The following MYO16 variants were observed in gnomAD, a reference collection of about 807,000 sequenced individuals.
MYO16 encodes the protein unconventional myosin-XVI.
A neutral mutation model predicts 205.3 loss-of-function variants in MYO16; 94 were observed. The ratio of observed to expected loss-of-function variants is 0.46; its 90% CI spans 0.39 to 0.54. The LOEUF (loss-of-function observed/expected upper bound fraction) is 0.54, where lower values mean the gene tolerates loss of function less well. MYO16 is among the 20% of genes least tolerant of loss of function. The probability of loss-of-function intolerance (pLI) is 0.00; values close to 1 mark genes in which losing one functional copy is unlikely to be tolerated. For synonymous variants in MYO16, 988 were observed against 954.0 expected, an observed-to-expected ratio of 1.04 and a Z score of -0.66; for missense variants, 2,315 against 2,387.5, an observed-to-expected ratio of 0.97 and a Z score of 0.63.
intron 16 of MYO16, among the ~76,000 whole-genome samples, chr13:108,915,730 G>T (rs779418250): frequency 1.3e-5 from 2 of 152,178 alleles, no homozygotes; most frequent in Non-Finnish European, 2.9e-5. Context: ...ATCTCTTTTT[G>T]TATTGATTAA....
chr13:109,017,748 A>G (rs1472454625), intron 22 of MYO16, among the ~76,000 whole-genome samples: 1 of 151,838 alleles, frequency 6.6e-6, no homozygotes, highest in Non-Finnish European at 1.5e-5. Flanking sequence ...CTTCCAGTTG[A>G]TTGAATCAGC....
chr13:109,000,413 G>C (rs9555537), intron 21 of MYO16, among the ~76,000 whole-genome samples: 35,692 of 152,086 alleles, frequency 0.23, 4,335 homozygotes, highest in Middle Eastern at 0.28. Context: ...GTGTGAGGCC[G>C]CAGGAGCTGC....
intron 32 of MYO16, among the ~76,000 whole-genome samples, chr13:109,153,233 G>C (rs1325922163): frequency 6.6e-6 from 1 of 151,954 alleles, no homozygotes; most frequent in Non-Finnish European, 1.5e-5. Flanking sequence ...GATTTATACG[G>C]GCAAATAGGA....
chr13:109,131,769 C>T (rs1260368343), intron 31 of MYO16, among the ~76,000 whole-genome samples: 2 of 152,206 alleles, frequency 1.3e-5, no homozygotes, highest in East Asian at 1.9e-4. Context: ...TGGGGCCTCC[C>T]AGCTGGAGTG....
chr13:108,877,699 T>C (rs1015715318), intron 12 of MYO16, among the ~76,000 whole-genome samples: 1 of 152,248 alleles, frequency 6.6e-6, no homozygotes, highest in Non-Finnish European at 1.5e-5. Flanking sequence ...TATAGTTCCA[T>C]TTTTAAATTG....
At chr13:108,618,829 A>G (rs1468859626) in intron 1 of MYO16, among the ~76,000 whole-genome samples, 1 of 152,188 alleles carries the variant, frequency 6.6e-6, no homozygotes, top group Admixed American at 6.5e-5. Flanking sequence ...CAACACTTAA[A>G]CAATAGATTA....
At chr13:108,608,301 T>C (rs1470424811) in intron 1 of MYO16, among the ~76,000 whole-genome samples, 1 of 152,212 alleles carries the variant, frequency 6.6e-6, no homozygotes, top group Non-Finnish European at 1.5e-5. Flanking sequence ...CCTGTAGCTA[T>C]GTGGGTGTTT....
chr13:109,050,525 G>A (rs1566481620), intron 24 of MYO16, among the ~76,000 whole-genome samples: 1 of 152,052 alleles, frequency 6.6e-6, no homozygotes. Context: ...AGTAATTTGT[G>A]AGAAAGTACT....
intron 3 of MYO16, among the ~76,000 whole-genome samples, chr13:108,724,641 C>T (rs141518995): frequency 1.2e-3 from 176 of 152,074 alleles, no homozygotes; most frequent in African/African-American, 3.8e-3. Context: ...AGCGGTATTA[C>T]GCACGGTGCA....
chr13:108,517,672 G>T, the MYO16 span, among the ~76,000 whole-genome samples: 25 of 152,340 alleles, frequency 1.6e-4, no homozygotes, highest in South Asian at 5.2e-3. Flanking sequence ...GGAGCCACCT[G>T]TAGTTAAGAA....
At chr13:108,608,376 G>A (rs571801601) in intron 1 of MYO16, among the ~76,000 whole-genome samples, 2 of 152,178 alleles carry the variant, frequency 1.3e-5, no homozygotes, top group South Asian at 4.1e-4. Context: ...GCTCTGCCTA[G>A]GAGCCTTCCC....
At chr13:108,898,819 A>T (rs978439980) in intron 15 of MYO16, among the ~76,000 whole-genome samples, 4 of 152,150 alleles carry the variant, frequency 2.6e-5, no homozygotes, top group Non-Finnish European at 4.4e-5. Flanking sequence ...ACATCTTTCC[A>T]ATTAAAACAG....
intron 21 of MYO16, among the ~76,000 whole-genome samples, chr13:109,007,491 A>G (rs10851225): frequency 0.41 from 61,774 of 151,094 alleles, 12,908 homozygotes; most frequent in East Asian, 0.66. Context: ...GAGTGGTTTC[A>G]AGAGGGAATG....
chr13:108,628,704 A>G (rs1879842675), upstream of MYO16, among the ~76,000 whole-genome samples: 1 of 152,198 alleles, frequency 6.6e-6, no homozygotes, highest in South Asian at 2.1e-4. Flanking sequence ...TTCTAGTTTA[A>G]TAAAAGCACT....
At chr13:109,103,529 G>T (rs1365414262) in intron 28 of MYO16, among the ~76,000 whole-genome samples, 2 of 152,320 alleles carry the variant, frequency 1.3e-5, no homozygotes, top group East Asian at 3.8e-4. Context: ...GTGTTAAGTG[G>T]TATACAGTGT....
At chr13:108,986,134 C>A (rs868550707) in intron 20 of MYO16, among the ~76,000 whole-genome samples, 1 of 152,070 alleles carries the variant, frequency 6.6e-6, no homozygotes, top group East Asian at 1.9e-4. Context: ...ATGAGATTAT[C>A]GTGAGAAAAA....
chr13:108,519,622 A>G, the MYO16 span, among the ~76,000 whole-genome samples: 4 of 109,716 alleles, frequency 3.6e-5, no homozygotes, highest in Non-Finnish European at 7.5e-5. Context: ...AACAATATGC[A>G]AAATACACAC....
rs772908739 is a variant in MYO16 at position 109,140,863 on chromosome 13, C to A, written c.4651C>A (p.Pro1551Thr). ...AGTCCTGGAGACCAACCTCAAGTAC[C>A]CCGTGCAGCCGGAGGGGTCGAGCCC... ...LPVLETNLKY[P>T]VQPEGSSPLS... Residue 1551 changes from proline to threonine, a missense_variant, in exon 32 of 35, where the codon CCC becomes ACC. Transcript: ENST00000457511. This position sits in a 1 kb window ranked among gnomAD's most constrained non-coding sequence, Gnocchi z 8.0. The A allele has an allele frequency of 7.5e-6, 12 of 1,597,234 alleles. No individual in the cohort carries two copies. Among genetic ancestry groups the A allele is most frequent in the African/African-American group, 2.8e-5 (2 of 72,532 alleles).
chr13:108,814,660 A>G (rs1278421502), intron 7 of MYO16, among the ~76,000 whole-genome samples: 2 of 152,338 alleles, frequency 1.3e-5, no homozygotes, highest in East Asian at 3.9e-4. Context: ...TATAACATGA[A>G]TAAGTACTAT....
Sources: allele counts gnomAD v4.1 joint callset (sites outside exome capture counted in the v4.1 genomes callset), GRCh38; gene constraint gnomAD v4.1.1; non-coding constraint Gnocchi (gnomAD v3.1); transcripts MANE v1.5; gene names NCBI Gene and HGNC (gene_info 2026-07-23, HGNC 2026-07-21).